STT3B: variants seen among roughly 807,000 people sequenced by gnomAD.
STT3B encodes the protein STT3 oligosaccharyltransferase complex catalytic subunit B.
Under a neutral mutation model 96.8 loss-of-function variants are expected in STT3B, and 29 were observed. That is an observed-to-expected ratio of 0.30 (90% CI 0.22 to 0.41). The LOEUF is 0.41. Ranked by LOEUF, STT3B falls within the 10% of genes least tolerant of loss-of-function variation. The pLI, the probability that STT3B is intolerant of heterozygous loss-of-function variation, is 1.00. For missense variants in STT3B, 640 were observed against 1,022.3 expected (o/e 0.63, Z 5.10); for synonymous variants, 367 against 360.0 (o/e 1.02, Z -0.22).
At chr3:31,586,322 T>G (rs1402273218) in intron 3 of STT3B, among the ~76,000 whole-genome samples, 1 of 25,894 alleles carries the variant, frequency 3.9e-5, no homozygotes, top group Non-Finnish European at 1.1e-4. Context: ...TCTTTGTATA[T>G]TTTGGAAATA....
chr3:31,592,182 A>G (rs565132276), intron 3 of STT3B, among the ~76,000 whole-genome samples: 62 of 152,310 alleles, frequency 4.1e-4, no homozygotes, highest in African/African-American at 1.3e-3. Context: ...GATTTTGACT[A>G]AATACTTCAC....
At chr3:31,627,808 G>A (rs1002489142) in intron 13 of STT3B, among the ~76,000 whole-genome samples, 1 of 152,160 alleles carries the variant, frequency 6.6e-6, no homozygotes, top group Non-Finnish European at 1.5e-5. Context: ...ATAGATCACT[G>A]TTTCTAAATG....
At chr3:31,552,994 C>T (rs928071690) in intron 1 of STT3B, among the ~76,000 whole-genome samples, 19 of 149,850 alleles carry the variant, frequency 1.3e-4, no homozygotes, top group African/African-American at 3.0e-4. Context: ...CCCAGCTACA[C>T]GGGAGGCTGA....
intron 2 of STT3B, among the ~76,000 whole-genome samples, chr3:31,578,645 G>A (rs1378931847): frequency 6.6e-6 from 1 of 151,618 alleles, no homozygotes; most frequent in African/African-American, 2.4e-5. Context: ...TTTATGTGTT[G>A]AGAATGTGGA....
At chr3:31,551,201 T>TTTTGTTTG (rs147580075) in intron 1 of STT3B, among the ~76,000 whole-genome samples, 726 of 150,824 alleles carry the variant, frequency 4.8e-3, no homozygotes, top group African/African-American at 0.014. Context: ...TTTGGGTGTT[T>TTTTGTTTG]TTTGTTTGTT....
chr3:31,549,187 T>C (rs2125438997), intron 1 of STT3B, among the ~76,000 whole-genome samples: 1 of 152,240 alleles, frequency 6.6e-6, no homozygotes. Flanking sequence ...CTTTCTTCAG[T>C]GTTTTAAATC....
intron 1 of STT3B, among the ~76,000 whole-genome samples, chr3:31,554,251 C>G (rs989291966): frequency 3.3e-5 from 5 of 152,062 alleles, no homozygotes; most frequent in African/African-American, 7.2e-5. Context: ...ATCTTGTTTT[C>G]TTGTGAATCC....
chr3:31,537,317 G>C (rs1039549790), intron 1 of STT3B, among the ~76,000 whole-genome samples: 1 of 152,140 alleles, frequency 6.6e-6, no homozygotes, highest in African/African-American at 2.4e-5. Flanking sequence ...AGAGGCTGTT[G>C]ACCTCAGTTC....
intron 5 of STT3B, among the ~76,000 whole-genome samples, chr3:31,609,409 C>A (rs913600928): frequency 1.4e-4 from 22 of 152,078 alleles, no homozygotes; most frequent in Admixed American, 1.4e-3. Flanking sequence ...TCCAAACACA[C>A]CACACATACA....
At chr3:31,585,684 T>G (rs536621832) in intron 3 of STT3B, among the ~76,000 whole-genome samples, 1 of 152,234 alleles carries the variant, frequency 6.6e-6, no homozygotes, top group Non-Finnish European at 1.5e-5. Context: ...TTTCTCTGTC[T>G]ATATAGCTTT....
chr3:31,551,198 GT>G (rs1295229588), intron 1 of STT3B, among the ~76,000 whole-genome samples: 1 of 140,702 alleles, frequency 7.1e-6, no homozygotes, highest in Non-Finnish European at 1.5e-5. Flanking sequence ...GTTTTTGGGT[GT>G]TTTTTGTTTG....
chr3:31,596,294 ACT>A (rs1367042132), intron 3 of STT3B, among the ~76,000 whole-genome samples: 2 of 151,896 alleles, frequency 1.3e-5, no homozygotes, highest in Admixed American at 6.6e-5. Flanking sequence ...ATAGAAGGAA[ACT>A]CTATATGGTA....
rs1225884558 is a variant in STT3B, at chr3:31,576,571, G to A, written c.423+67G>A. 5 of 947,594 alleles carry A rather than the reference G, an allele frequency of 5.3e-6. No homozygotes were observed. In the East Asian group the frequency reaches 1.4e-4, roughly 27 times the overall value. The allele number at this position is 947,594 out of a possible 1,614,324, so 58.7% of individuals were successfully genotyped here. On this transcript the variant is annotated intron_variant, in intron 2 of 15. Coordinates refer to ENST00000295770, the MANE Select transcript of STT3B (RefSeq NM_178862.3). ...TTGTTACTTGAGTAAATCATTAATTGCCAAGGTGGTAGGGATTCTTGAAAG... is the reference window on the plus strand; with the variant it reads ...TTGTTACTTGAGTAAATCATTAATTACCAAGGTGGTAGGGATTCTTGAAAG...
chr3:31,628,426 G>A (rs1699581921), intron 13 of STT3B, among the ~76,000 whole-genome samples: 1 of 151,986 alleles, frequency 6.6e-6, no homozygotes, highest in Admixed American at 6.6e-5. Flanking sequence ...TATTTAACCT[G>A]TCACCATTGA....
At chr3:31,599,516 G>C (rs1264217825) in intron 4 of STT3B, among the ~76,000 whole-genome samples, 1 of 152,172 alleles carries the variant, frequency 6.6e-6, no homozygotes, top group Non-Finnish European at 1.5e-5. Context: ...TTCTCCACAA[G>C]GGGTTCTGAA....
At chr3:31,595,063 T>C (rs995197527) in intron 3 of STT3B, among the ~76,000 whole-genome samples, 1 of 152,290 alleles carries the variant, frequency 6.6e-6, no homozygotes, top group South Asian at 2.1e-4. Context: ...CTTGTCAAAA[T>C]GTGACTGGAC....
intron 1 of STT3B, among the ~76,000 whole-genome samples, chr3:31,569,966 A>G (rs532695066): frequency 6.6e-6 from 1 of 152,232 alleles, no homozygotes; most frequent in African/African-American, 2.4e-5. Flanking sequence ...ACGTATATAT[A>G]CCCTTCATTA....
At chr3:31,562,480 T>C (rs1338747059) in intron 1 of STT3B, among the ~76,000 whole-genome samples, 1 of 151,532 alleles carries the variant, frequency 6.6e-6, no homozygotes, top group Non-Finnish European at 1.5e-5. Flanking sequence ...TTGGTGGGGG[T>C]ATGGAGCTAG....
intron 1 of STT3B, among the ~76,000 whole-genome samples, chr3:31,566,599 T>C (rs934260744): frequency 5.9e-5 from 9 of 152,204 alleles, no homozygotes; most frequent in African/African-American, 2.2e-4. Context: ...TGATAGTTTC[T>C]TTGCCTAGGA....
Sources: allele counts gnomAD v4.1 joint callset (sites outside exome capture counted in the v4.1 genomes callset), GRCh38; gene constraint gnomAD v4.1.1; transcripts MANE v1.5; gene names NCBI Gene and HGNC (gene_info 2026-07-23, HGNC 2026-07-21).